Variants in AGAP1 observed in about 807,000 individuals in gnomAD.
The protein encoded by AGAP1 is ArfGAP with GTPase domain, ankyrin repeat and PH domain 1.
AGAP1 carries 29 observed loss-of-function variants against 105.3 expected under a neutral mutation model. That is an observed-to-expected ratio of 0.28 (90% CI 0.21 to 0.38). The LOEUF (loss-of-function observed/expected upper bound fraction) is 0.38, where lower values mean the gene tolerates loss of function less well. Ranked by LOEUF, AGAP1 falls within the 10% of genes least tolerant of loss-of-function variation. The pLI is 1.00. For missense variants in AGAP1, 998 were observed against 1,165.1 expected, an observed-to-expected ratio of 0.86 and a Z score of 2.09; for synonymous variants, 509 against 485.9, an observed-to-expected ratio of 1.05 and a Z score of -0.63.
At chr2:235,822,825 A>T (rs1958868567) in intron 9 of AGAP1, among the ~76,000 whole-genome samples, 1 of 152,198 alleles carries the variant, frequency 6.6e-6, no homozygotes, top group South Asian at 2.1e-4. Context: ...AGAACTGAAC[A>T]AGAGGGGCTT....
In AGAP1 at chr2:236,050,559, A is replaced by AT. The variant is rs2057867561; in HGVS notation, c.2114+1278_2114+1279insT. ...TACCATAGAAATCAGCTGGGTCATC[A>AT]ACTGTGAACAAGCTTAAAAGATGAA... On this transcript the variant is annotated intron_variant, in intron 16 of 17. Coordinates refer to ENST00000304032, the MANE Select transcript of AGAP1 (RefSeq NM_001037131.3). The surrounding 1 kb of genome is among the most constrained non-coding windows in gnomAD (Gnocchi z 4.0). Among the ~76,000 whole-genome samples, 2 of 152,254 alleles carry AT rather than the reference A, an allele frequency of 1.3e-5. No homozygotes were observed. The highest frequency in any genetic ancestry group is 2.9e-5 in the Non-Finnish European group (2 of 68,050).
Position 235,577,435 on chromosome 2 carries a change from T to C in AGAP1, c.163+82586T>C, listed in dbSNP as rs1380727589. 6.6e-6 allele frequency among the ~76,000 whole-genome samples: 1 copy of C among 152,166 alleles called. No individual in the cohort carries two copies. Among genetic ancestry groups the C allele is most frequent in the East Asian group, 1.9e-4 (1 of 5,178 alleles). ...GATTAAAACCCCATTCTCTTGACCT[T>C]CTGCCCAAAGCCTTTGCCAGATGAG... On this transcript the variant is annotated intron_variant, in intron 1 of 17. Transcript: ENST00000304032. The surrounding 1 kb of genome is among the most constrained non-coding windows in gnomAD (Gnocchi z 4.5).
chr2:236,124,563 C>G lies in AGAP1; in HGVS notation c.*441C>G. ...GGAACACTTGGATTCCATCTCTTCT[C>G]TGAGGAGCTCGACGGCATAAATCAG... On this transcript the variant is annotated 3_prime_UTR_variant, in exon 18 of 18. Coordinates refer to ENST00000304032, the MANE Select transcript of AGAP1 (RefSeq NM_001037131.3). This position sits in a 1 kb window ranked among gnomAD's most constrained non-coding sequence, Gnocchi z 5.1. The G allele has an allele frequency of 4.6e-6, 1 of 216,478 alleles. No individual in the cohort carries two copies. Among genetic ancestry groups the G allele is most frequent in the Non-Finnish European group, 9.3e-6 (1 of 107,694 alleles). The allele number at this position is 216,478 out of a possible 1,614,324, so 13.4% of individuals were successfully genotyped here. A position where few individuals can be genotyped will look rare whatever the true frequency, so the allele number is the denominator to read the frequency against.
At position 235,662,046 on chromosome 2, in the gene AGAP1, C is replaced by T. The variant is rs984378915; in HGVS notation, c.164-47133C>T. On this transcript the variant is annotated intron_variant, in intron 1 of 17. Transcript: ENST00000304032. This position sits in a 1 kb window ranked among gnomAD's most constrained non-coding sequence, Gnocchi z 4.2. The stretch of plus-strand genomic sequence containing the variant: ...TATCCTGGGTGAGTTGGGGTATGGC[C>T]ATAGGAGGGGGCTCCAGGAATTCAG... Among the ~76,000 whole-genome samples the T allele has an allele frequency of 6.6e-6, 1 of 152,108 alleles. No individual in the cohort carries two copies. The highest frequency in any genetic ancestry group is 1.5e-5 in the Non-Finnish European group (1 of 68,022).
Position 235,843,998 on chromosome 2 carries a change from C to T in AGAP1, c.1050+36667C>T, listed in dbSNP as rs1224142897. Among the ~76,000 whole-genome samples, 9 of 152,186 alleles carry T rather than the reference C, an allele frequency of 5.9e-5. No individual in the cohort carries two copies. Among genetic ancestry groups the T allele is most frequent in the African/African-American group, 2.2e-4 (9 of 41,444 alleles). On this transcript the variant is annotated intron_variant, in intron 9 of 17. Transcript: ENST00000304032. This position sits in a 1 kb window ranked among gnomAD's most constrained non-coding sequence, Gnocchi z 5.9. ...CGCTGCCCCAGCTCAGAGCTTGAACCTCTCCCTCTTGGAATCTGGCAGGAG... is the reference window on the plus strand; with the variant it reads ...CGCTGCCCCAGCTCAGAGCTTGAACTTCTCCCTCTTGGAATCTGGCAGGAG...
Position 235,494,581 on chromosome 2 carries a change from CCGGCTCCCCGGGGGCTG to C in AGAP1, c.-101_-85del. 1 of 290,048 alleles carries C rather than the reference CCGGCTCCCCGGGGGCTG, an allele frequency of 3.4e-6. No individual in the cohort carries two copies. The highest frequency in any genetic ancestry group is 5.0e-6 in the Non-Finnish European group (1 of 200,322). 18.0% of individuals were successfully genotyped at this position (290,048 alleles called of 1,614,324 possible). A position where few individuals can be genotyped will look rare whatever the true frequency, so the allele number is the denominator to read the frequency against. ...CCTCCTCCGCCCGCCGCCGGCGGGC[CCGGCTCCCCGGGGGCTG>C]CGGCGCCCCGGGCTCGGCGGCCCGC... On this transcript the variant is annotated 5_prime_UTR_variant, in exon 1 of 18. Transcript: ENST00000304032.
rs141871545 is a variant in AGAP1, at chr2:236,019,614, A to G, written c.1646-16947A>G. Among the ~76,000 whole-genome samples, 883 of 152,306 alleles carry G rather than the reference A, an allele frequency of 5.8e-3. 5 individuals carry two copies. The highest frequency in any genetic ancestry group is 0.02 in the African/African-American group (833 of 41,574). On this transcript the variant is annotated intron_variant, in intron 13 of 17. Coordinates refer to ENST00000304032, the MANE Select transcript of AGAP1 (RefSeq NM_001037131.3). ...CTCAGGAAGACGGGGCTGGAATTCC[A>G]GGTGGAGGCAGCAGCCTGCACCTGG...
chr2:235,652,659 A>G (rs1044431395), intron 1 of AGAP1, among the ~76,000 whole-genome samples: 4 of 152,186 alleles, frequency 2.6e-5, no homozygotes, highest in African/African-American at 2.4e-5. Context: ...TGGGAGGCCC[A>G]GGCGGGTGGA....
At chr2:235,738,629 C>T (rs1346085629) in intron 3 of AGAP1, among the ~76,000 whole-genome samples, 1 of 151,666 alleles carries the variant, frequency 6.6e-6, no homozygotes, top group Non-Finnish European at 1.5e-5. Flanking sequence ...GCAATCTCGG[C>T]TCCCTGCAAC....
At chr2:235,800,008 G>GT (rs769278775) in intron 8 of AGAP1, among the ~76,000 whole-genome samples, 1 of 151,976 alleles carries the variant, frequency 6.6e-6, no homozygotes, top group African/African-American at 2.4e-5. Flanking sequence ...CTCCACTTGG[G>GT]TTTTTTGCTG....
chr2:235,996,344 A>T (rs571200189), intron 13 of AGAP1, among the ~76,000 whole-genome samples: 1 of 152,302 alleles, frequency 6.6e-6, no homozygotes, highest in South Asian at 2.1e-4. Context: ...CCCTTGGCCG[A>T]TTGGAGATTC....
Position 235,614,871 on chromosome 2 carries a change from T to C in AGAP1, c.164-94308T>C, listed in dbSNP as rs1946257866. Among the ~76,000 whole-genome samples, 1 of 152,194 alleles carries C rather than the reference T, an allele frequency of 6.6e-6. No homozygotes were observed. Among genetic ancestry groups the C allele is most frequent in the Non-Finnish European group, 1.5e-5 (1 of 68,038 alleles). ...TATTAAATTAATGGTTTAGCTGAGATGTTTTCTCTACTCAGGGCCCAATGC... is the reference window on the plus strand; with the variant it reads ...TATTAAATTAATGGTTTAGCTGAGACGTTTTCTCTACTCAGGGCCCAATGC... On this transcript the variant is annotated intron_variant, in intron 1 of 17. Transcript: ENST00000304032. This position sits in a 1 kb window ranked among gnomAD's most constrained non-coding sequence, Gnocchi z 4.7.
At position 236,078,157 on chromosome 2, in the gene AGAP1, T is replaced by G. The variant is rs6757395; in HGVS notation, c.2114+28876T>G. On this transcript the variant is annotated intron_variant, in intron 16 of 17. Transcript: ENST00000304032. This position sits in a 1 kb window ranked among gnomAD's most constrained non-coding sequence, Gnocchi z 5.3. ...GTGTGTAGGGCAGGCCAGCCGGGGG[T>G]GTGTGTGTGTGTGTGTGTATATGTA... Among the ~76,000 whole-genome samples the G allele has an allele frequency of 4.6e-3, 665 of 144,170 alleles. 3 individuals carry two copies. The highest frequency in any genetic ancestry group is 9.3e-3 in the African/African-American group (353 of 37,786). The allele number at this position is 144,170 out of a possible 152,430, so 94.6% of individuals were successfully genotyped here. A position where few individuals can be genotyped will look rare whatever the true frequency, so the allele number is the denominator to read the frequency against.
intron 1 of AGAP1, among the ~76,000 whole-genome samples, chr2:235,677,778 C>T (rs12623315): frequency 6.6e-6 from 1 of 151,852 alleles, no homozygotes; most frequent in African/African-American, 2.4e-5. Flanking sequence ...GCCAGCCTTT[C>T]TGATGCGGCT....
rs190429625 is a variant in AGAP1 at position 235,888,660 on chromosome 2, G to A, written c.1155+5211G>A. On this transcript the variant is annotated intron_variant, in intron 10 of 17. Transcript: ENST00000304032. This position sits in a 1 kb window ranked among gnomAD's most constrained non-coding sequence, Gnocchi z 4.8. ...CAGGGCTTCACAGTGAGCTATGATC[G>A]TGCCACTGCACTCCAGCTTGGGCGA... Among the ~76,000 whole-genome samples, 544 of 151,882 alleles carry A rather than the reference G, an allele frequency of 3.6e-3. 3 individuals are homozygous for A. The highest frequency in any genetic ancestry group is 0.012 in the South Asian group (59 of 4,790).
intron 9 of AGAP1, among the ~76,000 whole-genome samples, chr2:235,823,339 C>T (rs748612133): frequency 7.2e-5 from 11 of 152,140 alleles, no homozygotes; most frequent in Non-Finnish European, 1.3e-4. Context: ...CTCCCCGTAT[C>T]ACCCAGGCTG....
intron 1 of AGAP1, among the ~76,000 whole-genome samples, chr2:235,511,917 T>C (rs374080546): frequency 3.6e-5 from 4 of 112,468 alleles, no homozygotes; most frequent in African/African-American, 1.4e-4. Flanking sequence ...TATGTGGATG[T>C]GTGTGAATGT....
chr2:235,801,210 C>T lies in AGAP1; in HGVS notation c.957+1688C>T, dbSNP rs867183142. Among the ~76,000 whole-genome samples the T allele has an allele frequency of 6.6e-6, 1 of 152,132 alleles. No homozygotes were observed. Among genetic ancestry groups the T allele is most frequent in the African/African-American group, 2.4e-5 (1 of 41,436 alleles). On this transcript the variant is annotated intron_variant, in intron 8 of 17. Transcript: ENST00000304032. This position sits in a 1 kb window ranked among gnomAD's most constrained non-coding sequence, Gnocchi z 6.0. ...GATCAGACAGACCAAGCTCCCATCC[C>T]GGCCTCCGCTGCTGACGGATGTTTG...
At chr2:235,547,789 G>T (rs968766106) in intron 1 of AGAP1, among the ~76,000 whole-genome samples, 1 of 152,294 alleles carries the variant, frequency 6.6e-6, no homozygotes, top group South Asian at 2.1e-4. Flanking sequence ...CACCATGCCC[G>T]GCCATGAGTC....
Sources: allele counts gnomAD v4.1 joint callset (sites outside exome capture counted in the v4.1 genomes callset), GRCh38; gene constraint gnomAD v4.1.1; non-coding constraint Gnocchi (gnomAD v3.1); transcripts MANE v1.5; gene names NCBI Gene and HGNC (gene_info 2026-07-23, HGNC 2026-07-21).